AXL: variants seen among roughly 807,000 people sequenced by gnomAD.
AXL encodes the protein AXL receptor tyrosine kinase, also known as tyrosine-protein kinase receptor UFO.
A neutral mutation model predicts 104.5 loss-of-function variants in AXL; 52 were observed. That is an observed-to-expected ratio of 0.50 (90% confidence interval 0.40 to 0.63). The LOEUF (loss-of-function observed/expected upper bound fraction) is 0.63. AXL is among the 20% of genes least tolerant of loss of function. AXL has a pLI of 0.00. For missense variants in AXL, 1,024 were observed against 1,188.5 expected (o/e 0.86, Z 2.04); for synonymous variants, 455 against 473.7 (o/e 0.96, Z 0.51).
intron 6 of AXL, among the ~76,000 whole-genome samples, 176 bp downstream of exon 6, chr19:41,231,474 G>A (rs987913006): frequency 2.6e-5 from 4 of 152,166 alleles, no homozygotes; most frequent in Non-Finnish European, 5.9e-5. Context: ...CCTTCTGGCT[G>A]TGTGACCTTG....
chr19:41,241,947 A>G (rs2034189822), intron 10 of AXL, among the ~76,000 whole-genome samples: 1 of 152,216 alleles, frequency 6.6e-6, no homozygotes, highest in South Asian at 2.1e-4. Flanking sequence ...CGCTTCATGC[A>G]CCATCCTACA....
intron 10 of AXL, among the ~76,000 whole-genome samples, chr19:41,240,633 A>G (rs1385408374): frequency 1.3e-5 from 2 of 151,964 alleles, no homozygotes; most frequent in African/African-American, 2.4e-5. Context: ...TACTCCTCAC[A>G]TCCCTTCCTA....
intron 4 of AXL, among the ~76,000 whole-genome samples, chr19:41,229,137 G>C (rs1472354036): frequency 6.6e-6 from 1 of 152,010 alleles, no homozygotes; most frequent in Non-Finnish European, 1.5e-5. Context: ...TTTTAGTAGA[G>C]ACGAGGTTTC....
chr19:41,240,636 C>G (rs2034166282), intron 10 of AXL, among the ~76,000 whole-genome samples: 2 of 152,110 alleles, frequency 1.3e-5, no homozygotes, highest in Admixed American at 6.6e-5. Flanking sequence ...TCCTCACATC[C>G]CTTCCTACAT....
At chr19:41,237,882 C>A in intron 6 of AXL, 62 bp from the exon 7 acceptor site, 1 of 1,475,786 alleles carries the variant, frequency 6.8e-7, no homozygotes, top group Non-Finnish European at 9.5e-7. Context: ...CCACTGGGAG[C>A]TGTGTGACCA....
At chr19:41,224,148 C>CT (rs1202232444) in intron 4 of AXL, among the ~76,000 whole-genome samples, 5 of 151,874 alleles carry the variant, frequency 3.3e-5, no homozygotes, top group Non-Finnish European at 7.4e-5. Context: ...GTCTGTCCCT[C>CT]TTTTTTGTGT....
chr19:41,233,660 T>C (rs1778026380), intron 6 of AXL, among the ~76,000 whole-genome samples: 1 of 147,038 alleles, frequency 6.8e-6, no homozygotes, highest in Non-Finnish European at 1.5e-5. Flanking sequence ...CAGTGGCTAT[T>C]AATCTTCCCG....
At position 41,238,605 on chromosome 19, in the gene AXL, C is replaced by T. The variant is rs1178749073; in HGVS notation, c.1130C>T (p.Pro377Leu). 4 of 1,605,964 alleles carry T rather than the reference C, an allele frequency of 2.5e-6. No homozygotes were observed. In the African/African-American group the frequency reaches 5.3e-5, roughly 21 times the overall value. ...YRLAYQGQDT[P>L]EVLMDIGLRQ... ...CTGGCGTATCAAGGCCAGGACACCC[C>T]AGAGGTGGGTGCTGCTGGTGGGATT... Residue 377 changes from proline to leucine, a missense_variant, in exon 8 of 20, where the codon CCA becomes CTA. By Grantham distance (98) the Pro-to-Leu change is moderately conservative (BLOSUM62 -3). This residue lies in a region of AXL where 332 missense variants were observed against 343.9 expected (regional missense o/e 0.97). Transcript: ENST00000301178.
chr19:41,238,014 C>G lies in AXL; in HGVS notation c.854C>G (p.Ser285Trp), dbSNP rs201003955. 1 of 1,613,954 alleles carries G rather than the reference C, an allele frequency of 6.2e-7. No homozygotes were observed. The highest frequency in any genetic ancestry group is 1.7e-5 in the Admixed American group (1 of 59,980). The part of the protein sequence containing the change: ...EPDPPEEPLT[S>W]QASVPPHQLR... ...GACCCCCCAGAGGAGCCCCTCACCT[C>G]GCAAGCATCCGTGCCCCCCCATCAG... Residue 285 changes from serine to tryptophan, a missense_variant, in exon 7 of 20, where the codon TCG (serine) becomes TGG (tryptophan). Around this residue, in one of 5 missense-constraint regions of AXL, gnomAD observed 332 missense variants for 343.9 expected, o/e 0.97. Transcript: ENST00000301178.
chr19:41,227,283 A>G (rs2033898151), intron 4 of AXL, among the ~76,000 whole-genome samples: 1 of 152,122 alleles, frequency 6.6e-6, no homozygotes, highest in Admixed American at 6.6e-5. Flanking sequence ...TAAACCCTGT[A>G]TATACTACAC....
intron 14 of AXL, among the ~76,000 whole-genome samples, chr19:41,249,325 C>T (rs1428198072): frequency 6.6e-6 from 1 of 152,038 alleles, no homozygotes; most frequent in Non-Finnish European, 1.5e-5. Context: ...CATGGTGGCA[C>T]ACGCCTGTAG....
intron 4 of AXL, among the ~76,000 whole-genome samples, chr19:41,224,560 T>C (rs750725807): frequency 2.0e-5 from 3 of 152,142 alleles, no homozygotes; most frequent in Non-Finnish European, 2.9e-5. Flanking sequence ...TTTTTGAATT[T>C]TTTGGTAGAG....
At chr19:41,246,216 G>A (rs1269440683) in intron 12 of AXL, among the ~76,000 whole-genome samples, 1 of 152,090 alleles carries the variant, frequency 6.6e-6, no homozygotes, top group African/African-American at 2.4e-5. Context: ...GGGAGGCCAA[G>A]GTGGGCAAAT....
intron 12 of AXL, among the ~76,000 whole-genome samples, chr19:41,246,791 C>T (rs551791890): frequency 5.8e-4 from 89 of 152,232 alleles, no homozygotes; most frequent in African/African-American, 2.1e-3. Context: ...CAGGCCTCAA[C>T]TGGTCCTCCT....
intron 4 of AXL, among the ~76,000 whole-genome samples, chr19:41,226,369 G>T (rs1302946879): frequency 6.6e-6 from 1 of 152,158 alleles, no homozygotes; most frequent in East Asian, 1.9e-4. Flanking sequence ...CGGGCCGCCC[G>T]CCCGGGACTG....
At chr19:41,237,860 A>T in intron 6 of AXL, 84 bp from the exon 7 acceptor site, 1 of 1,349,694 alleles carries the variant, frequency 7.4e-7, no homozygotes, top group Non-Finnish European at 1.1e-6. Context: ...GTGTAGTCAC[A>T]CCAGACCACC....
intron 17 of AXL, among the ~76,000 whole-genome samples, chr19:41,254,423 A>C (rs560752649): frequency 1.3e-3 from 200 of 151,686 alleles, no homozygotes; most frequent in East Asian, 5.8e-4. Flanking sequence ...AGAAAAAAGA[A>C]AATAGTAACC....
At chr19:41,248,910 C>G in intron 14 of AXL, 90 bp downstream of exon 14, 1 of 1,364,880 alleles carries the variant, frequency 7.3e-7, no homozygotes, top group Non-Finnish European at 9.9e-7. Context: ...TAGCTTAGAA[C>G]TTCTGGTGTT....
In AXL at chr19:41,230,961, C is replaced by T. The variant is rs376082526; in HGVS notation, c.587-6C>T. ...TATTGGACCCTTCCCTCATATGACT[C>T]CCTAGGGCTGAACAAGACATCCTCT... On this transcript the variant is annotated splice_region_variant and splice_polypyrimidine_tract_variant and intron_variant, in intron 4 of 19. Coordinates refer to ENST00000301178, the MANE Select transcript of AXL (RefSeq NM_021913.5). 247 of 1,613,592 alleles carry T rather than the reference C, an allele frequency of 1.5e-4. No homozygotes were observed. Among genetic ancestry groups the T allele is most frequent in the Non-Finnish European group, 1.9e-4 (223 of 1,179,782 alleles).
Sources: gnomAD v4.1 joint callset for allele counts (sites outside exome capture counted in the v4.1 genomes callset) on GRCh38, gnomAD v4.1.1 for gene constraint, gnomAD v4.1.1 regional missense constraint, MANE v1.5 for transcripts, NCBI Gene and HGNC (gene_info 2026-07-23, HGNC 2026-07-21) for gene names.